Variants in TPD52 observed in about 807,000 individuals in gnomAD.
The protein encoded by TPD52 is prostate and colon associated protein.
TPD52 carries 17 observed loss-of-function variants against 31.3 expected under a neutral mutation model. The observed-to-expected ratio is 0.54, with a 90% CI of 0.37 to 0.82. The LOEUF (loss-of-function observed/expected upper bound fraction) is 0.82, where lower values mean the gene tolerates loss of function less well. Ranked by LOEUF, TPD52 falls within the 40% of genes least tolerant of loss-of-function variation. The pLI is 0.00. For missense variants in TPD52, 212 were observed against 240.1 expected (o/e 0.88, Z 0.77); for synonymous variants, 83 against 89.6 (o/e 0.93, Z 0.42).
At chr8:80,086,212 G>A (rs111797809) in intron 1 of TPD52, among the ~76,000 whole-genome samples, 5,148 of 141,564 alleles carry the variant, frequency 0.036, 231 homozygotes, top group African/African-American at 0.11. Flanking sequence ...CCGCCTCCCC[G>A]GTTTAAGTGA....
chr8:80,171,314 C>T (rs758451961), intron 1 of TPD52, 111 bp downstream of exon 1: 1 of 1,408,894 alleles, frequency 7.1e-7, no homozygotes. Context: ...GCCCAGGAGG[C>T]TCGGCACCTG....
intron 1 of TPD52, among the ~76,000 whole-genome samples, chr8:80,152,101 A>G (rs16907476): frequency 0.028 from 4,235 of 152,274 alleles, 196 homozygotes; most frequent in African/African-American, 0.097. Context: ...CTTTAGACGC[A>G]CCTTCCAGAA....
intron 1 of TPD52, among the ~76,000 whole-genome samples, chr8:80,117,302 G>C (rs1807932020): frequency 6.6e-6 from 1 of 152,112 alleles, no homozygotes; most frequent in African/African-American, 2.4e-5. Flanking sequence ...CAACTTTGCA[G>C]GCTTATAAGA....
At chr8:80,051,443 G>A (rs1443829998) in intron 4 of TPD52, 84 bp downstream of exon 4, 4 of 1,330,510 alleles carry the variant, frequency 3.0e-6, no homozygotes, top group Non-Finnish European at 4.3e-6. Flanking sequence ...ATCAACTAGA[G>A]CCAAGGTCAG....
intron 1 of TPD52, among the ~76,000 whole-genome samples, chr8:80,086,611 C>T (rs1815795816): frequency 6.6e-6 from 1 of 151,990 alleles, no homozygotes; most frequent in Admixed American, 6.6e-5. Context: ...TGGTGGCTCA[C>T]ACCTGTAATC....
At chr8:80,104,163 C>A (rs1222893813) in intron 1 of TPD52, among the ~76,000 whole-genome samples, 3 of 139,634 alleles carry the variant, frequency 2.1e-5, no homozygotes, top group Non-Finnish European at 4.8e-5. Flanking sequence ...CAGCCACCAT[C>A]CAGGAGTGTC....
At position 80,080,321 on chromosome 8, in the gene TPD52, T is replaced by G. The variant is rs778609050; in HGVS notation, c.20-15728A>C. The stretch of plus-strand genomic sequence containing the variant: ...TTACAAAATTAGTAGTTACCAAATT[T>G]CTGAAGAGTAGGTGATCCGGGTGGA... On this transcript the variant is annotated intron_variant, in intron 1 of 7. Coordinates refer to ENST00000518937, the MANE Select transcript of TPD52 (RefSeq NM_001025253.3). The G allele has an allele frequency of 8.1e-6, 13 of 1,614,056 alleles. No individual in the cohort carries two copies. The South Asian group carries it at 1.4e-4, about 18-fold the overall frequency.
At chr8:80,122,364 T>C (rs1277169687) in intron 1 of TPD52, among the ~76,000 whole-genome samples, 1 of 151,938 alleles carries the variant, frequency 6.6e-6, no homozygotes, top group Non-Finnish European at 1.5e-5. Flanking sequence ...AAAAACAAGA[T>C]TAAAAAGTGA....
intron 1 of TPD52, among the ~76,000 whole-genome samples, chr8:80,134,389 T>C (rs1006331158): frequency 1.3e-5 from 2 of 152,232 alleles, no homozygotes; most frequent in Admixed American, 6.5e-5. Context: ...AAGTTTCCAA[T>C]GTCTTAATGC....
intron 7 of TPD52, chr8:80,042,278 T>C: frequency 6.1e-6 from 6 of 985,460 alleles, no homozygotes; most frequent in Non-Finnish European, 7.2e-6. Flanking sequence ...GCTTCCTATA[T>C]TCTTGTTAAT....
intron 3 of TPD52, 72 bp downstream of exon 3, chr8:80,053,210 C>G: frequency 6.7e-7 from 1 of 1,498,478 alleles, no homozygotes; most frequent in Non-Finnish European, 9.0e-7. Context: ...TCTTTTTCTT[C>G]CCCTCTCCAG....
chr8:80,086,735 G>A (rs983302129), intron 1 of TPD52, among the ~76,000 whole-genome samples: 1 of 151,520 alleles, frequency 6.6e-6, no homozygotes, highest in African/African-American at 2.4e-5. Context: ...TTAGCTGGTT[G>A]GGGGGGCACG....
intron 1 of TPD52, among the ~76,000 whole-genome samples, chr8:80,120,218 G>A (rs1262283270): frequency 4.6e-5 from 7 of 152,222 alleles, no homozygotes; most frequent in Non-Finnish European, 8.8e-5. Flanking sequence ...GGCTGGACGC[G>A]GTGGCTCATG....
At chr8:80,097,654 C>T (rs1272717201) in intron 1 of TPD52, among the ~76,000 whole-genome samples, 3 of 152,210 alleles carry the variant, frequency 2.0e-5, no homozygotes, top group African/African-American at 7.2e-5. Flanking sequence ...GCCTCCCCAG[C>T]CATACTTCCT....
chr8:80,039,814 T>C (rs1260239443), intron 7 of TPD52, among the ~76,000 whole-genome samples: 5 of 152,124 alleles, frequency 3.3e-5, no homozygotes, highest in Non-Finnish European at 7.4e-5. Context: ...CATTACTGAG[T>C]CCTCTAAGAG....
At chr8:80,170,736 T>C (rs1411710429) in intron 1 of TPD52, among the ~76,000 whole-genome samples, 1 of 152,228 alleles carries the variant, frequency 6.6e-6, no homozygotes, top group Non-Finnish European at 1.5e-5. Flanking sequence ...GGCCTACTAT[T>C]GCTCTATTTG....
intron 1 of TPD52, among the ~76,000 whole-genome samples, chr8:80,137,311 T>C (rs1809504227): frequency 6.6e-6 from 1 of 152,222 alleles, no homozygotes; most frequent in African/African-American, 2.4e-5. Context: ...AATCACTGAA[T>C]TGTACATTTA....
chr8:80,160,613 G>A (rs899306848), intron 1 of TPD52, among the ~76,000 whole-genome samples: 4 of 152,046 alleles, frequency 2.6e-5, no homozygotes, highest in Non-Finnish European at 5.9e-5. Flanking sequence ...CAGAATTTTT[G>A]TTCTGGTTTA....
At chr8:80,169,227 T>A (rs1395896349) in intron 1 of TPD52, among the ~76,000 whole-genome samples, 3 of 152,126 alleles carry the variant, frequency 2.0e-5, no homozygotes, top group Non-Finnish European at 4.4e-5. Flanking sequence ...GTGATCTGCC[T>A]GCCTCAGCTT....
Sources: gnomAD v4.1 joint callset for allele counts (sites outside exome capture counted in the v4.1 genomes callset) on GRCh38, gnomAD v4.1.1 for gene constraint, MANE v1.5 for transcripts, NCBI Gene and HGNC (gene_info 2026-07-23, HGNC 2026-07-21) for gene names.